Variants in NRCAM observed in about 807,000 individuals in gnomAD.
The protein encoded by NRCAM is NgCAM-related cell adhesion molecule.
NRCAM carries 83 observed loss-of-function variants against 156.5 expected under a neutral mutation model. The observed-to-expected ratio is 0.53, with a 90% CI of 0.44 to 0.64. The LOEUF is 0.64. Ranked by LOEUF, NRCAM falls within the 30% of genes least tolerant of loss-of-function variation. The pLI is 0.00. For missense variants in NRCAM, 1,417 were observed against 1,597.3 expected (o/e 0.89, Z 1.92); for synonymous variants, 538 against 563.9 (o/e 0.95, Z 0.65).
intron 2 of NRCAM, among the ~76,000 whole-genome samples, chr7:108,336,811 CAAGTA>C (rs2099198230): frequency 6.6e-6 from 1 of 151,756 alleles, no homozygotes; most frequent in South Asian, 2.1e-4. Context: ...TAAATAATTA[CAAGTA>C]AATAACTACA....
intron 2 of NRCAM, among the ~76,000 whole-genome samples, chr7:108,363,337 G>A (rs76508346): frequency 0.061 from 9,334 of 151,950 alleles, 286 homozygotes; most frequent in Middle Eastern, 0.088. Context: ...GCAGTGGTGC[G>A]CTCATAGTAC....
At chr7:108,158,804 C>T (rs2047049478) in intron 32 of NRCAM, among the ~76,000 whole-genome samples, 1 of 152,210 alleles carries the variant, frequency 6.6e-6, no homozygotes, top group Non-Finnish European at 1.5e-5. Flanking sequence ...TCTTTTCCTT[C>T]TCTTGAAAAG....
chr7:108,390,496 A>G (rs1201002317), intron 2 of NRCAM, among the ~76,000 whole-genome samples: 4 of 151,526 alleles, frequency 2.6e-5, no homozygotes, highest in Non-Finnish European at 5.9e-5. Context: ...GCAGTCTATC[A>G]ATTTTGTTGA....
At chr7:108,196,998 G>A (rs2075493479) in intron 14 of NRCAM, among the ~76,000 whole-genome samples, 3 of 152,084 alleles carry the variant, frequency 2.0e-5, no homozygotes, top group Non-Finnish European at 2.9e-5. Context: ...ACACACAATG[G>A]AATACTATCC....
chr7:108,371,629 A>C (rs2099629262), intron 2 of NRCAM, among the ~76,000 whole-genome samples: 1 of 152,176 alleles, frequency 6.6e-6, no homozygotes, highest in African/African-American at 2.4e-5. Flanking sequence ...TCTAGGTGTA[A>C]GGCACTAGAA....
intron 3 of NRCAM, among the ~76,000 whole-genome samples, chr7:108,241,008 T>G (rs1321494896): frequency 1.3e-5 from 2 of 152,138 alleles, no homozygotes; most frequent in Admixed American, 6.6e-5. Flanking sequence ...TCATTTGCCT[T>G]TATCCACCAT....
intron 1 of NRCAM, among the ~76,000 whole-genome samples, chr7:108,426,940 A>G (rs969791935): frequency 3.3e-5 from 5 of 152,154 alleles, no homozygotes; most frequent in Non-Finnish European, 7.4e-5. Flanking sequence ...ATTGCTCCCC[A>G]TTGTGCAGTG....
At chr7:108,280,335 C>T (rs973598950) in intron 3 of NRCAM, among the ~76,000 whole-genome samples, 2 of 152,232 alleles carry the variant, frequency 1.3e-5, no homozygotes, top group Admixed American at 1.3e-4. Flanking sequence ...TCTCTTACTC[C>T]CTCTCTGCCA....
At chr7:108,404,317 G>A (rs185139255) in intron 1 of NRCAM, among the ~76,000 whole-genome samples, 3 of 152,234 alleles carry the variant, frequency 2.0e-5, no homozygotes, top group African/African-American at 4.8e-5. Flanking sequence ...GACCCATTAG[G>A]TGCCACAAGA....
intron 6 of NRCAM, 70 bp downstream of exon 6, chr7:108,234,513 C>T (rs1024431417): frequency 1.0e-6 from 1 of 984,180 alleles, no homozygotes; most frequent in African/African-American, 1.6e-5. Flanking sequence ...AATTCCCAAA[C>T]ATATTTCTCT....
chr7:108,348,573 G>C (rs758346854), intron 2 of NRCAM, among the ~76,000 whole-genome samples: 1 of 152,056 alleles, frequency 6.6e-6, no homozygotes, highest in Non-Finnish European at 1.5e-5. Flanking sequence ...TATTAAATGA[G>C]GGGGAAAGGC....
intron 13 of NRCAM, among the ~76,000 whole-genome samples, chr7:108,206,314 G>C (rs1390941220): frequency 6.6e-6 from 1 of 152,214 alleles, no homozygotes; most frequent in Non-Finnish European, 1.5e-5. Flanking sequence ...GTTACTTTGG[G>C]AAAGTCAATT....
At chr7:108,336,442 A>G (rs774663613) in intron 2 of NRCAM, among the ~76,000 whole-genome samples, 6 of 152,270 alleles carry the variant, frequency 3.9e-5, no homozygotes, top group Non-Finnish European at 7.3e-5. Context: ...ATTAACAACT[A>G]AAACGACTTG....
chr7:108,338,821 C>T (rs1420713344), intron 2 of NRCAM, among the ~76,000 whole-genome samples: 1 of 152,234 alleles, frequency 6.6e-6, no homozygotes, highest in Non-Finnish European at 1.5e-5. Context: ...ACCTTGTTCT[C>T]AGTGTAAACA....
intron 32 of NRCAM, chr7:108,159,240 T>C (rs765226886): frequency 1.4e-6 from 1 of 697,160 alleles, no homozygotes; most frequent in Admixed American, 1.8e-5. Context: ...TGGGAGACAT[T>C]CCATCTCCAA....
intron 3 of NRCAM, among the ~76,000 whole-genome samples, chr7:108,251,335 G>C (rs1199079750): frequency 1.3e-5 from 2 of 152,008 alleles, no homozygotes; most frequent in Non-Finnish European, 2.9e-5. Context: ...AAATAAACTG[G>C]GTTAAAATAC....
chr7:108,275,758 T>C (rs565265900), intron 3 of NRCAM, among the ~76,000 whole-genome samples: 1 of 152,158 alleles, frequency 6.6e-6, no homozygotes, highest in African/African-American at 2.4e-5. Context: ...ATCTTAGTTA[T>C]TTATTGTCTT....
At chr7:108,383,947 A>G (rs141295493) in intron 2 of NRCAM, among the ~76,000 whole-genome samples, 17 of 152,244 alleles carry the variant, frequency 1.1e-4, no homozygotes, top group African/African-American at 4.1e-4. Context: ...CATTTGGTTT[A>G]AGAACAGGTT....
chr7:108,195,617 C>T (rs980991231), intron 15 of NRCAM, 144 bp downstream of exon 15: 34 of 484,532 alleles, frequency 7.0e-5, no homozygotes, highest in African/African-American at 6.6e-4. Flanking sequence ...CTCTGTCTCA[C>T]AAGAAAAAAA....
Sources: gnomAD v4.1 joint callset for allele counts (sites outside exome capture counted in the v4.1 genomes callset) on GRCh38, gnomAD v4.1.1 for gene constraint, MANE v1.5 for transcripts, NCBI Gene and HGNC (gene_info 2026-07-23, HGNC 2026-07-21) for gene names.